DOK5: variants seen among roughly 807,000 people sequenced by gnomAD.
DOK5 encodes downstream of tyrosine kinase 5.
A neutral mutation model predicts 43.3 loss-of-function variants in DOK5; 27 were observed. The observed-to-expected ratio is 0.62, with a 90% CI of 0.46 to 0.86. The LOEUF is 0.86. DOK5 is among the 40% of genes least tolerant of loss of function. The pLI, the probability that DOK5 is intolerant of heterozygous loss-of-function variation, is 0.00. For synonymous variants in DOK5, 146 were observed against 140.1 expected, an observed-to-expected ratio of 1.04 and a Z score of -0.30; for missense variants, 373 against 392.9, an observed-to-expected ratio of 0.95 and a Z score of 0.43.
At chr20:54,561,155 C>A (rs1457637040) in intron 2 of DOK5, among the ~76,000 whole-genome samples, 1 of 152,194 alleles carries the variant, frequency 6.6e-6, no homozygotes, top group Non-Finnish European at 1.5e-5. Context: ...CTGTCTTCAC[C>A]TCCCCAAGAG....
Position 54,618,352 on chromosome 20 carries a change from T to A in DOK5, c.735+7829T>A, listed in dbSNP as rs79846492. On this transcript the variant is annotated intron_variant, in intron 6 of 7. Coordinates refer to ENST00000262593, the MANE Select transcript of DOK5 (RefSeq NM_018431.5). ...TAGCATTTTCCCTTTTTTTTCCCTTTTTTTTTTTTGAGACAGACTCTCACT... is the reference window on the plus strand; with the variant it reads ...TAGCATTTTCCCTTTTTTTTCCCTTATTTTTTTTTGAGACAGACTCTCACT... Among the ~76,000 whole-genome samples, 99 of 151,110 alleles carry A rather than the reference T, an allele frequency of 6.6e-4. No individual in the cohort carries two copies. In the East Asian group the frequency reaches 0.011, roughly 16 times the overall value.
chr20:54,635,154 G>C (rs540090818), intron 6 of DOK5, among the ~76,000 whole-genome samples: 1 of 152,268 alleles, frequency 6.6e-6, no homozygotes, highest in South Asian at 2.1e-4. Context: ...CCTCAAGACT[G>C]ACAAAACAGA....
chr20:54,600,956 G>A (rs918235269), intron 5 of DOK5, among the ~76,000 whole-genome samples: 1 of 152,160 alleles, frequency 6.6e-6, no homozygotes, highest in Non-Finnish European at 1.5e-5. Flanking sequence ...CAGTTACGGG[G>A]TATTGTAGTA....
At chr20:54,502,351 A>T (rs370838794) in intron 1 of DOK5, among the ~76,000 whole-genome samples, 8 of 152,308 alleles carry the variant, frequency 5.3e-5, no homozygotes, top group African/African-American at 1.9e-4. Flanking sequence ...ATCAGAGTAA[A>T]CCAGAAAATA....
intron 1 of DOK5, among the ~76,000 whole-genome samples, chr20:54,527,020 T>C (rs1485364006): frequency 6.6e-6 from 1 of 152,214 alleles, no homozygotes; most frequent in African/African-American, 2.4e-5. Flanking sequence ...GAGGTTTCTG[T>C]AGAGGTCTGA....
At position 54,508,931 on chromosome 20, in the gene DOK5, C is replaced by T. The variant is rs190509913; in HGVS notation, c.66+32919C>T. On this transcript the variant is annotated intron_variant, in intron 1 of 7. Coordinates refer to ENST00000262593, the MANE Select transcript of DOK5 (RefSeq NM_018431.5). ...TCGCTGTCTCACCCAGGCTTAAGTG[C>T]AGTGACACGATCTCGGCTCACTGCA... Among the ~76,000 whole-genome samples the T allele has an allele frequency of 4.0e-5, 6 of 151,538 alleles. No homozygotes were observed. The East Asian group carries it at 1.2e-3, about 30-fold the overall frequency.
chr20:54,615,595 T>C (rs745924056), intron 6 of DOK5, among the ~76,000 whole-genome samples: 20 of 152,044 alleles, frequency 1.3e-4, no homozygotes, highest in Non-Finnish European at 2.4e-4. Flanking sequence ...CAAAAGATGT[T>C]TGTGGCCTTG....
intron 1 of DOK5, among the ~76,000 whole-genome samples, chr20:54,486,576 C>A (rs1294099837): frequency 6.6e-6 from 1 of 151,646 alleles, no homozygotes; most frequent in African/African-American, 2.4e-5. Flanking sequence ...CACATGCACA[C>A]ACACACACAC....
In DOK5 at chr20:54,526,005, G is replaced by A. The variant is rs547545888; in HGVS notation, c.67-28928G>A. ...TCATGCCAGCTTCCAGTGACAGGCT[G>A]CATAGTTTATTTTCTGTGGCAACCA... On this transcript the variant is annotated intron_variant, in intron 1 of 7. Transcript: ENST00000262593. 2.0e-5 allele frequency among the ~76,000 whole-genome samples: 3 copies of A among 152,262 alleles called. No individual in the cohort carries two copies. The South Asian group carries it at 6.2e-4, about 32-fold the overall frequency.
At chr20:54,637,928 G>C (rs144874124) in intron 6 of DOK5, among the ~76,000 whole-genome samples, 1,566 of 152,174 alleles carry the variant, frequency 0.01, 18 homozygotes, top group East Asian at 0.053. Context: ...CAAGACCATC[G>C]TGGCTAACAC....
chr20:54,576,176 G>A (rs1315327914), intron 2 of DOK5, among the ~76,000 whole-genome samples: 16 of 152,138 alleles, frequency 1.1e-4, no homozygotes, highest in South Asian at 8.3e-4. Flanking sequence ...ATCAAAAGAC[G>A]ATGCCTTAGA....
intron 7 of DOK5, among the ~76,000 whole-genome samples, chr20:54,649,566 C>CGGTG (rs11474515): frequency 0.17 from 26,534 of 152,020 alleles, 2,987 homozygotes; most frequent in East Asian, 0.48. Flanking sequence ...AAAGGCTTTG[C>CGGTG]GGTGAGTCCT....
intron 6 of DOK5, among the ~76,000 whole-genome samples, chr20:54,612,605 T>C (rs202201640): frequency 1.3e-5 from 2 of 152,176 alleles, no homozygotes; most frequent in Non-Finnish European, 2.9e-5. Flanking sequence ...TTAGCTCTCT[T>C]TGTGGTCTTG....
intron 1 of DOK5, among the ~76,000 whole-genome samples, chr20:54,502,011 C>T (rs1982627821): frequency 6.6e-6 from 1 of 152,058 alleles, no homozygotes; most frequent in Admixed American, 6.5e-5. Flanking sequence ...AATTATATGC[C>T]ATTGATAAAG....
At position 54,475,775 on chromosome 20, in the gene DOK5, G is replaced by C. The variant is rs1981394156; in HGVS notation, c.-172G>C. The C allele has an allele frequency of 1.3e-6, 1 of 779,596 alleles. No homozygotes were observed. 48.3% of individuals were successfully genotyped at this position (779,596 alleles called of 1,614,324 possible). ...CCGGCCGCCCACTGTCAGGGTTGGGGGGACAGAGAAAGTGATGTGCGCCTT... is the reference window on the plus strand; with the variant it reads ...CCGGCCGCCCACTGTCAGGGTTGGGCGGACAGAGAAAGTGATGTGCGCCTT... On this transcript the variant is annotated 5_prime_UTR_variant, in exon 1 of 8. Transcript: ENST00000262593. This position sits in a 1 kb window ranked among gnomAD's most constrained non-coding sequence, Gnocchi z 4.2.
At position 54,586,638 on chromosome 20, in the gene DOK5, G is replaced by A. The variant is rs536277213; in HGVS notation, c.175-1845G>A. 3.9e-5 allele frequency among the ~76,000 whole-genome samples: 6 copies of A among 152,314 alleles called. No individual in the cohort carries two copies. The East Asian group carries it at 1.2e-3, about 29-fold the overall frequency. Reference sequence around the variant, plus strand: ...GTGAAACCAATAACAAATAGGAAAGGTATAGGACATCATTGGATGGTGTAG... The same window carrying A: ...GTGAAACCAATAACAAATAGGAAAGATATAGGACATCATTGGATGGTGTAG... On this transcript the variant is annotated intron_variant, in intron 2 of 7. Transcript: ENST00000262593.
intron 5 of DOK5, among the ~76,000 whole-genome samples, chr20:54,592,423 G>A (rs1986004411): frequency 6.6e-6 from 1 of 152,080 alleles, no homozygotes; most frequent in East Asian, 1.9e-4. Context: ...TAGTAACCAA[G>A]CCAGTAGTAT....
At chr20:54,566,647 T>C (rs1203938837) in intron 2 of DOK5, among the ~76,000 whole-genome samples, 3 of 152,284 alleles carry the variant, frequency 2.0e-5, no homozygotes, top group African/African-American at 7.2e-5. Flanking sequence ...GACAGGATCT[T>C]GCTCTGTCAC....
chr20:54,600,810 C>G (rs565077729), intron 5 of DOK5, among the ~76,000 whole-genome samples: 1 of 152,312 alleles, frequency 6.6e-6, no homozygotes, highest in Non-Finnish European at 1.5e-5. Context: ...GTTTTCCAGG[C>G]AGGCAAACAT....
Sources: gnomAD v4.1 joint callset for allele counts (sites outside exome capture counted in the v4.1 genomes callset) on GRCh38, gnomAD v4.1.1 for gene constraint, Gnocchi (gnomAD v3.1) non-coding constraint, MANE v1.5 for transcripts, NCBI Gene and HGNC (gene_info 2026-07-23, HGNC 2026-07-21) for gene names.